Variants in ADGRD1 observed in about 807,000 individuals in gnomAD.
ADGRD1 encodes the protein G-protein coupled receptor 133.
ADGRD1 carries 77 observed loss-of-function variants against 113.4 expected under a neutral mutation model. The observed-to-expected ratio is 0.68, with a 90% CI of 0.57 to 0.82. The LOEUF (loss-of-function observed/expected upper bound fraction) is 0.82. ADGRD1 is among the 40% of genes least tolerant of loss of function. The probability of loss-of-function intolerance (pLI) is 0.00; values close to 1 mark genes in which losing one functional copy is unlikely to be tolerated. For missense variants in ADGRD1, 1,036 were observed against 1,139.1 expected (o/e 0.91, Z 1.30); for synonymous variants, 474 against 475.0 (o/e 1.00, Z 0.03).
Position 131,041,650 on chromosome 12 carries a change from C to G in ADGRD1, c.1473+27310C>G, listed in dbSNP as rs1882144468. On this transcript the variant is annotated intron_variant, in intron 13 of 24. Transcript: ENST00000261654. This position sits in a 1 kb window ranked among gnomAD's most constrained non-coding sequence, Gnocchi z 4.4. ...ATGAGGCTCTGCAGAGACCCAGGGG[C>G]TTGGCCATCCACTCAGGGACACCAG... Among the ~76,000 whole-genome samples, 1 of 152,168 alleles carries G rather than the reference C, an allele frequency of 6.6e-6. No individual in the cohort carries two copies. Among genetic ancestry groups the G allele is most frequent in the African/African-American group, 2.4e-5 (1 of 41,442 alleles).
chr12:131,023,940 CAACTCAG>C (rs1174754718), intron 13 of ADGRD1: 4 of 152,320 alleles, frequency 2.6e-5, no homozygotes, highest in African/African-American at 7.2e-5. Context: ...TGCAAATAGA[CAACTCAG>C]AATGGTCCCC....
Position 131,139,187 on chromosome 12 carries a change from G to C in ADGRD1, c.2549G>C (p.Gly850Ala). ...HSDLMNGTRP[G>A]MASTKLSPWD... ...TTGCAGATGAATGGGACCCGGCCAG[G>C]CATGGCCTCCACCAAGCTCAGCCCT... The change falls in exon 25 of 25, where the codon GGC (glycine) becomes GCC (alanine). Residue 850 changes from glycine (G) to alanine (A), a missense_variant. Gly to Ala is a moderately conservative substitution (Grantham distance 60, BLOSUM62 0). Transcript: ENST00000261654. 3.1e-6 allele frequency: 5 copies of C among 1,613,112 alleles called. No individual in the cohort carries two copies. Among genetic ancestry groups the C allele is most frequent in the South Asian group, 1.1e-5 (1 of 91,040 alleles).
intron 19 of ADGRD1, among the ~76,000 whole-genome samples, chr12:131,120,057 T>C (rs1314923133): frequency 2.0e-5 from 3 of 152,160 alleles, no homozygotes; most frequent in Non-Finnish European, 4.4e-5. Flanking sequence ...TGGAGTTTGT[T>C]GTGCTGTGGG....
At chr12:131,032,451 G>T (rs1046383074) in intron 13 of ADGRD1, among the ~76,000 whole-genome samples, 2 of 151,160 alleles carry the variant, frequency 1.3e-5, no homozygotes, top group Non-Finnish European at 3.0e-5. Flanking sequence ...CCGCTGACAC[G>T]TCCCCCACCG....
intron 15 of ADGRD1, among the ~76,000 whole-genome samples, chr12:131,098,774 G>A (rs961074901): frequency 3.3e-5 from 5 of 152,198 alleles, no homozygotes; most frequent in African/African-American, 9.7e-5. Context: ...ATTTATTCAC[G>A]TTTACACATC....
At chr12:131,023,017 C>T (rs1362243943) in intron 13 of ADGRD1, 1 of 152,024 alleles carries the variant, frequency 6.6e-6, no homozygotes, top group Admixed American at 6.6e-5. Flanking sequence ...TCTTCTTTCT[C>T]CCAAAGTAGG....
At position 131,108,727 on chromosome 12, in the gene ADGRD1, C is replaced by T. The variant is rs1950286492; in HGVS notation, c.1891C>T (p.Pro631Ser). 1.9e-6 allele frequency: 3 copies of T among 1,614,138 alleles called. No homozygotes were observed. In the East Asian group the frequency reaches 6.7e-5, roughly 36 times the overall value. Residue 631 changes from proline to serine, a missense_variant, in exon 18 of 25, where the codon CCC (proline) becomes TCC (serine). Pro to Ser is a moderately conservative substitution (Grantham distance 74, BLOSUM62 -1). Coordinates refer to ENST00000261654, the MANE Select transcript of ADGRD1 (RefSeq NM_198827.5). ...CCCATCTCTGGTTAAATCCTAGACC[C>T]CCTGCCAAGTGATGGCCGTGCTCCT... is the stretch of plus-strand genomic sequence containing the variant. The part of the protein sequence containing the change: ...ISFRLEPGTT[P>S]CQVMAVLLHY...
intron 8 of ADGRD1, among the ~76,000 whole-genome samples, chr12:130,999,779 G>A (rs1465899711): frequency 2.6e-5 from 4 of 152,186 alleles, no homozygotes; most frequent in African/African-American, 9.7e-5. Context: ...TGTGGGCTAA[G>A]GGGTGTCCAA....
At chr12:130,978,874 T>C (rs1872637379) in intron 4 of ADGRD1, 1 of 152,234 alleles carries the variant, frequency 6.6e-6, no homozygotes, top group Admixed American at 6.5e-5. Flanking sequence ...CACAACGCAC[T>C]GTGCTGACTT....
intron 13 of ADGRD1, among the ~76,000 whole-genome samples, chr12:131,042,940 G>A (rs867640867): frequency 2.0e-5 from 3 of 152,382 alleles, no homozygotes; most frequent in Admixed American, 6.5e-5. Flanking sequence ...CGGATTGTCC[G>A]CAGCTGAGTG....
At chr12:131,036,470 A>AC (rs1231953149) in intron 13 of ADGRD1, among the ~76,000 whole-genome samples, 1 of 148,146 alleles carries the variant, frequency 6.8e-6, no homozygotes, top group Non-Finnish European at 1.5e-5. Context: ...TACTCACTGC[A>AC]TGGGGCCTCA....
At chr12:131,037,070 C>T (rs1881539037) in intron 13 of ADGRD1, among the ~76,000 whole-genome samples, 1 of 147,358 alleles carries the variant, frequency 6.8e-6, no homozygotes, top group South Asian at 2.2e-4. Context: ...GGGTCTCACT[C>T]ACTGCACCGG....
chr12:130,978,256 C>T (rs577051964), intron 4 of ADGRD1: 2 of 152,048 alleles, frequency 1.3e-5, no homozygotes, highest in East Asian at 1.9e-4. Context: ...GAGTTTGTTA[C>T]GGTAATTTTT....
At chr12:131,002,949 C>T in intron 9 of ADGRD1, 6 of 735,816 alleles carry the variant, frequency 8.2e-6, no homozygotes, top group Non-Finnish European at 1.3e-5. Flanking sequence ...AATGCAGGAG[C>T]CGGCGATGGC....
intron 8 of ADGRD1, among the ~76,000 whole-genome samples, chr12:130,995,293 G>C (rs1238938816): frequency 6.6e-6 from 1 of 152,222 alleles, no homozygotes; most frequent in East Asian, 1.9e-4. Context: ...GTTGTTGGGT[G>C]GGGATGGCGT....
chr12:130,998,757 G>A (rs921427652), intron 8 of ADGRD1, among the ~76,000 whole-genome samples: 21 of 152,100 alleles, frequency 1.4e-4, no homozygotes, highest in African/African-American at 1.9e-4. Context: ...GAGCCACTGC[G>A]CCCGGCCCCA....
chr12:130,962,454 C>T (rs1870472742), intron 2 of ADGRD1: 1 of 152,176 alleles, frequency 6.6e-6, no homozygotes, highest in Admixed American at 6.5e-5. Flanking sequence ...CACATCTGTT[C>T]TTTGTATAAC....
At chr12:130,997,900 C>G (rs1015497508) in intron 8 of ADGRD1, among the ~76,000 whole-genome samples, 7 of 152,244 alleles carry the variant, frequency 4.6e-5, no homozygotes, top group Non-Finnish European at 1.0e-4. Flanking sequence ...CCACTGCACT[C>G]CAGCCTGGGC....
chr12:130,998,539 A>T (rs1272328158), intron 8 of ADGRD1, among the ~76,000 whole-genome samples: 1 of 151,970 alleles, frequency 6.6e-6, no homozygotes, highest in African/African-American at 2.4e-5. Context: ...ATCTTGGCTC[A>T]CTGCAACCTC....
Sources: allele counts gnomAD v4.1 joint callset (sites outside exome capture counted in the v4.1 genomes callset), GRCh38; gene constraint gnomAD v4.1.1; non-coding constraint Gnocchi (gnomAD v3.1); transcripts MANE v1.5; gene names NCBI Gene and HGNC (gene_info 2026-07-23, HGNC 2026-07-21).